RANBP2: variants seen among roughly 807,000 people sequenced by gnomAD.
RANBP2 encodes RAN binding protein 2, also known as E3 SUMO-protein ligase RanBP2.
In RANBP2, 57 loss-of-function variants were observed where a neutral mutation model predicts 303.6. The observed-to-expected ratio is 0.19, with a 90% CI of 0.15 to 0.23. The LOEUF (loss-of-function observed/expected upper bound fraction) is 0.23, where lower values mean the gene tolerates loss of function less well. RANBP2 is among the 10% of genes least tolerant of loss of function. The pLI is 1.00. For synonymous variants in RANBP2, 1,167 were observed against 1,301.5 expected (o/e 0.90, Z 2.23); for missense variants, 3,138 against 3,780.8 (o/e 0.83, Z 4.46).
the RANBP2 span, among the ~76,000 whole-genome samples, chr2:109,551,946 C>A: frequency 6.6e-6 from 1 of 152,192 alleles, no homozygotes; most frequent in East Asian, 1.9e-4. Context: ...GGTCCCCAAT[C>A]CCCAGGCCGC....
At chr2:109,106,603 A>G in the RANBP2 span, among the ~76,000 whole-genome samples, 1 of 152,058 alleles carries the variant, frequency 6.6e-6, no homozygotes, top group Non-Finnish European at 1.5e-5. Flanking sequence ...TTGGGAGGCT[A>G]AGATGGGTGG....
the RANBP2 span, among the ~76,000 whole-genome samples, chr2:109,325,331 C>CTTTTTTTTTTTTTTTTTTTTTTT: frequency 1.5e-5 from 1 of 66,256 alleles, no homozygotes. Context: ...TTCTTTCTTT[C>CTTTTTTTTTTTTTTTTTTTTTTT]TTTTTTTTTT....
At chr2:109,611,150 C>T in the RANBP2 span, among the ~76,000 whole-genome samples, 1 of 152,174 alleles carries the variant, frequency 6.6e-6, no homozygotes, top group Non-Finnish European at 1.5e-5. Context: ...AAAAATGGCC[C>T]TCAACTTAAG....
chr2:109,205,300 G>A, the RANBP2 span, among the ~76,000 whole-genome samples: 11 of 147,062 alleles, frequency 7.5e-5, no homozygotes, highest in Middle Eastern at 3.6e-3. Flanking sequence ...TTGCCATGTC[G>A]TCCAGGCTGG....
At chr2:108,830,607 G>C in the RANBP2 span, among the ~76,000 whole-genome samples, 3 of 151,792 alleles carry the variant, frequency 2.0e-5, no homozygotes, top group African/African-American at 7.3e-5. Context: ...AGGAGTTCAA[G>C]TCCAACCTGG....
the RANBP2 span, among the ~76,000 whole-genome samples, chr2:109,634,023 G>A: frequency 3.4e-5 from 5 of 145,868 alleles, no homozygotes; most frequent in East Asian, 2.1e-4. Context: ...AGGAGGCTGA[G>A]ACAGCAGAAT....
chr2:109,425,884 T>TTTTC, the RANBP2 span, among the ~76,000 whole-genome samples: 192 of 152,150 alleles, frequency 1.3e-3, no homozygotes, highest in African/African-American at 3.2e-3. Context: ...AAGTACATCT[T>TTTTC]TTTCTTTCTT....
chr2:109,481,034 C>T, the RANBP2 span, among the ~76,000 whole-genome samples: 2 of 152,150 alleles, frequency 1.3e-5, no homozygotes, highest in African/African-American at 2.4e-5. Context: ...AAGAGGACAC[C>T]GATAGGGAAA....
At chr2:109,007,030 A>G in the RANBP2 span, among the ~76,000 whole-genome samples, 1 of 152,224 alleles carries the variant, frequency 6.6e-6, no homozygotes, top group South Asian at 2.1e-4. Flanking sequence ...GAGTTAACAA[A>G]AATACAGAAG....
At chr2:108,746,433 G>A (rs1349376552) in intron 7 of RANBP2, among the ~76,000 whole-genome samples, 2 of 145,436 alleles carry the variant, frequency 1.4e-5, no homozygotes, top group Non-Finnish European at 3.0e-5. Flanking sequence ...ATGTTGGCCA[G>A]GCTGGTCTCG....
At chr2:109,604,651 G>A in the RANBP2 span, among the ~76,000 whole-genome samples, 5 of 151,326 alleles carry the variant, frequency 3.3e-5, no homozygotes, top group African/African-American at 9.7e-5. Context: ...GGCATGAACC[G>A]GGGAGGCGGA....
the RANBP2 span, among the ~76,000 whole-genome samples, chr2:109,169,903 A>T: frequency 6.6e-6 from 1 of 152,132 alleles, no homozygotes; most frequent in Non-Finnish European, 1.5e-5. Context: ...CATGCATGGC[A>T]GGTGCTTTAT....
At chr2:109,052,401 T>C in the RANBP2 span, among the ~76,000 whole-genome samples, 1,934 of 152,326 alleles carry the variant, frequency 0.013, 41 homozygotes, top group African/African-American at 0.042. Context: ...GCTATATCAG[T>C]TTCTTAAGCC....
intron 8 of RANBP2, 145 bp from the exon 9 acceptor site, chr2:108,748,775 T>A: frequency 2.7e-6 from 4 of 1,475,272 alleles, no homozygotes; most frequent in Non-Finnish European, 2.8e-6. Flanking sequence ...AGCACCGGTT[T>A]TGTTGTCCAG....
At chr2:108,774,942 T>G (rs1677772445) in intron 23 of RANBP2, among the ~76,000 whole-genome samples, 1 of 152,170 alleles carries the variant, frequency 6.6e-6, no homozygotes, top group Non-Finnish European at 1.5e-5. Flanking sequence ...TCCTCCTGAC[T>G]TGGCCTCCCA....
At position 108,755,026 on chromosome 2, in the gene RANBP2, T is replaced by G. The variant is rs763754919; in HGVS notation, c.2324T>G (p.Ile775Arg). The G allele has an allele frequency of 6.2e-7, 1 of 1,611,852 alleles. No homozygotes were observed. Among genetic ancestry groups the G allele is most frequent in the East Asian group, 2.2e-5 (1 of 44,838 alleles). ...NGSLRNADSE[I>R]KHSTPSPTRY... is the part of the protein sequence containing the mutation. The stretch of plus-strand genomic sequence containing the variant: ...TCTTTGCGAAATGCAGATTCAGAAA[T>G]AAAACATTCTACACCGTCTCCTACC... Residue 775 changes from isoleucine to arginine, a missense_variant, in exon 16 of 29, where the codon ATA (isoleucine) becomes AGA (arginine). Physicochemically the swap from Ile to Arg is moderately conservative, Grantham distance 97. Coordinates refer to ENST00000283195, the MANE Select transcript of RANBP2 (RefSeq NM_006267.5).
chr2:108,766,684 G>A lies in RANBP2; in HGVS notation c.6145G>A (p.Val2049Ile), dbSNP rs778673552. The part of the protein sequence containing the change: ...RVKLFRFDAE[V>I]SQWKERGLGN... The stretch of plus-strand genomic sequence containing the variant: ...AAAACTATTTAGATTTGATGCTGAG[G>A]TAAGTCAGTGGAAAGAAAGGGGCTT... Residue 2049 changes from valine to isoleucine, a missense_variant, in exon 20 of 29, where the codon GTA becomes ATA. Physicochemically the swap from Val to Ile is conservative, Grantham distance 29 (BLOSUM62 3). Coordinates refer to ENST00000283195, the MANE Select transcript of RANBP2 (RefSeq NM_006267.5). 2 of 1,612,002 alleles carry A rather than the reference G, an allele frequency of 1.2e-6. No homozygotes were observed. Among genetic ancestry groups the A allele is most frequent in the Non-Finnish European group, 8.5e-7 (1 of 1,179,848 alleles).
At chr2:108,743,317 T>A (rs1423879575) in intron 7 of RANBP2, among the ~76,000 whole-genome samples, 1 of 152,196 alleles carries the variant, frequency 6.6e-6, no homozygotes, top group Non-Finnish European at 1.5e-5. Flanking sequence ...TTGCTCTGGC[T>A]GGAGTGCAGT....
the RANBP2 span, among the ~76,000 whole-genome samples, chr2:108,974,114 G>A: frequency 4.0e-5 from 6 of 151,810 alleles, no homozygotes; most frequent in South Asian, 1.3e-3. Flanking sequence ...TGGATCACGA[G>A]GTCAGGAGAT....
Sources: allele counts gnomAD v4.1 joint callset (sites outside exome capture counted in the v4.1 genomes callset), GRCh38; gene constraint gnomAD v4.1.1; transcripts MANE v1.5; gene names NCBI Gene and HGNC (gene_info 2026-07-23, HGNC 2026-07-21).